Variants in PDZRN4 observed in about 807,000 individuals in gnomAD.
PDZRN4 encodes the protein PDZ domain containing ring finger 4.
A neutral mutation model predicts 99.0 loss-of-function variants in PDZRN4; 70 were observed. The ratio of observed to expected loss-of-function variants is 0.71; its 90% CI spans 0.58 to 0.86. The LOEUF is 0.86. PDZRN4 is among the 40% of genes least tolerant of loss of function. The probability of loss-of-function intolerance (pLI) is 0.00; values close to 1 mark genes in which losing one functional copy is unlikely to be tolerated. For missense variants in PDZRN4, 1,474 were observed against 1,331.2 expected, an observed-to-expected ratio of 1.11 and a Z score of -1.67; for synonymous variants, 551 against 501.6, an observed-to-expected ratio of 1.10 and a Z score of -1.32.
intron 3 of PDZRN4, among the ~76,000 whole-genome samples, chr12:41,218,400 A>G (rs530169545): frequency 1.3e-5 from 2 of 152,234 alleles, no homozygotes; most frequent in Non-Finnish European, 2.9e-5. Flanking sequence ...ATCACTGACT[A>G]TGAACATTTT....
At position 41,301,412 on chromosome 12, in the gene PDZRN4, G is replaced by A. The variant is rs150669551; in HGVS notation, c.843+107224G>A. Among the ~76,000 whole-genome samples the A allele has an allele frequency of 2.2e-4, 33 of 151,988 alleles. 1 individual carries two copies. The highest frequency in any genetic ancestry group is 6.8e-4 in the African/African-American group (28 of 41,480). ...ATGAGGACTGTTGTTTCTATTTTAG[G>A]TATGTAGCAAATGAAATATGACTAT... On this transcript the variant is annotated intron_variant, in intron 3 of 9. Transcript: ENST00000402685.
chr12:41,557,231 G>A (rs866071448), intron 7 of PDZRN4, among the ~76,000 whole-genome samples: 2 of 149,164 alleles, frequency 1.3e-5, no homozygotes, highest in African/African-American at 2.5e-5. Flanking sequence ...TCAACTCCAA[G>A]ATAAGACCAG....
chr12:41,329,013 T>G (rs541450081), intron 3 of PDZRN4, among the ~76,000 whole-genome samples: 1 of 152,252 alleles, frequency 6.6e-6, no homozygotes, highest in South Asian at 2.1e-4. Flanking sequence ...GAAGCAAACT[T>G]GGGCTTGAGG....
At chr12:41,231,780 TA>T (rs751912088) in intron 3 of PDZRN4, among the ~76,000 whole-genome samples, 1 of 152,084 alleles carries the variant, frequency 6.6e-6, no homozygotes, top group Non-Finnish European at 1.5e-5. Flanking sequence ...TTACAGTTAC[TA>T]AACTACATCT....
At chr12:41,566,346 T>G (rs181819089) in intron 8 of PDZRN4, among the ~76,000 whole-genome samples, 57 of 152,316 alleles carry the variant, frequency 3.7e-4, no homozygotes, top group African/African-American at 1.3e-3. Flanking sequence ...CTCCCCATTT[T>G]AAGTAATTTT....
intron 3 of PDZRN4, among the ~76,000 whole-genome samples, chr12:41,463,304 T>A (rs1372205475): frequency 2.0e-5 from 3 of 152,174 alleles, no homozygotes; most frequent in Non-Finnish European, 4.4e-5. Context: ...CAGGGATGCC[T>A]ACCCAGCCCC....
chr12:41,563,662 A>T lies in PDZRN4; in HGVS notation c.1467+13A>T, dbSNP rs1011861909. ...GCCAGAGATTCAGGTCAGAACAGAG[A>T]TCAAAAGCCTTGAGACTGAACTTTA... On this transcript the variant is annotated intron_variant, in intron 8 of 9. Transcript: ENST00000402685. 4 of 1,578,146 alleles carry T rather than the reference A, an allele frequency of 2.5e-6. No individual in the cohort carries two copies. The highest frequency in any genetic ancestry group is 3.5e-6 in the Non-Finnish European group (4 of 1,149,266).
intron 3 of PDZRN4, among the ~76,000 whole-genome samples, chr12:41,323,701 A>C (rs1324925262): frequency 6.6e-6 from 1 of 151,988 alleles, no homozygotes; most frequent in Non-Finnish European, 1.5e-5. Flanking sequence ...CAAATGCTAT[A>C]ATTTGAACAT....
chr12:41,294,288 G>A (rs1269201447), intron 3 of PDZRN4, among the ~76,000 whole-genome samples: 2 of 152,116 alleles, frequency 1.3e-5, no homozygotes, highest in Non-Finnish European at 2.9e-5. Context: ...CTCACAGGCT[G>A]TTTCTCACCT....
intron 3 of PDZRN4, among the ~76,000 whole-genome samples, chr12:41,372,799 T>A (rs1356310297): frequency 6.6e-6 from 1 of 152,078 alleles, no homozygotes. Flanking sequence ...TGGAGAAACA[T>A]GACAGGGATT....
chr12:41,540,863 CGTTGTT>C lies in PDZRN4; in HGVS notation c.1204-11769_1204-11764del, dbSNP rs747322893. Among the ~76,000 whole-genome samples the C allele has an allele frequency of 1.9e-4, 22 of 115,860 alleles. No homozygotes were observed. The East Asian group carries it at 2.1e-3, about 11-fold the overall frequency. 76.0% of individuals were successfully genotyped at this position (115,860 alleles called of 152,430 possible). ...CTACAGCCCCAAGGCCCCTTTTCTT[CGTTGTT>C]GTTGTTGTTGTTGTTGTTGTTGTCC... On this transcript the variant is annotated intron_variant, in intron 5 of 9. Coordinates refer to ENST00000402685, the MANE Select transcript of PDZRN4 (RefSeq NM_001164595.2).
At position 41,446,063 on chromosome 12, in the gene PDZRN4, A is replaced by G. The variant is rs146615894; in HGVS notation, c.844-60393A>G. Among the ~76,000 whole-genome samples the G allele has an allele frequency of 2.1e-3, 310 of 150,584 alleles. 3 individuals are homozygous for G. The highest frequency in any genetic ancestry group is 0.019 in the Admixed American group (281 of 15,158). ...TATGAATACTTTATTGCTTCCCTCA[A>G]CAAAAAGCTTAAAAGGTAGCAGCCC... On this transcript the variant is annotated intron_variant, in intron 3 of 9. Transcript: ENST00000402685.
Position 41,425,433 on chromosome 12 carries a change from A to G in PDZRN4, c.844-81023A>G, listed in dbSNP as rs112831193. Among the ~76,000 whole-genome samples, 930 of 151,990 alleles carry G rather than the reference A, an allele frequency of 6.1e-3. 13 individuals carry two copies. The highest frequency in any genetic ancestry group is 0.02 in the African/African-American group (834 of 41,480). ...ATATATTGGCCTAGGAAAGAATCCA[A>G]TGTCCCAGGAACAACTGGACAATTT... is the stretch of plus-strand genomic sequence containing the variant. On this transcript the variant is annotated intron_variant, in intron 3 of 9. Transcript: ENST00000402685.
intron 9 of PDZRN4, among the ~76,000 whole-genome samples, chr12:41,569,349 A>T (rs561795276): frequency 3.1e-4 from 47 of 151,928 alleles, no homozygotes; most frequent in Non-Finnish European, 5.7e-4. Flanking sequence ...CGAACTCCTG[A>T]CCTCAAGTGG....
chr12:41,465,392 G>C (rs1292973586), intron 3 of PDZRN4, among the ~76,000 whole-genome samples: 1 of 151,956 alleles, frequency 6.6e-6, no homozygotes. Context: ...TAACAACTGA[G>C]GTTATTTTTT....
intron 3 of PDZRN4, among the ~76,000 whole-genome samples, chr12:41,377,175 T>C (rs1464506972): frequency 6.6e-6 from 1 of 152,196 alleles, no homozygotes; most frequent in Non-Finnish European, 1.5e-5. Flanking sequence ...GTCTCCAACT[T>C]TGTTGTTCTT....
At chr12:41,476,043 A>G (rs530041202) in intron 3 of PDZRN4, among the ~76,000 whole-genome samples, 62 of 152,352 alleles carry the variant, frequency 4.1e-4, no homozygotes, top group Middle Eastern at 3.4e-3. Flanking sequence ...GCACACACAC[A>G]TACACACACA....
chr12:41,194,888 A>T (rs1950761461), intron 3 of PDZRN4, among the ~76,000 whole-genome samples: 1 of 152,188 alleles, frequency 6.6e-6, no homozygotes, highest in African/African-American at 2.4e-5. Flanking sequence ...TTATATTTTA[A>T]ATTTGTAATT....
chr12:41,507,031 G>T (rs892268213), intron 4 of PDZRN4, among the ~76,000 whole-genome samples: 10 of 151,978 alleles, frequency 6.6e-5, no homozygotes, highest in African/African-American at 2.2e-4. Flanking sequence ...CACTGGTCAG[G>T]GAAATCACTT....
Sources: allele counts gnomAD v4.1 joint callset (sites outside exome capture counted in the v4.1 genomes callset), GRCh38; gene constraint gnomAD v4.1.1; transcripts MANE v1.5; gene names NCBI Gene and HGNC (gene_info 2026-07-23, HGNC 2026-07-21).